NCOR2: variants seen among roughly 807,000 people sequenced by gnomAD.
NCOR2 encodes the protein CTG repeat protein 26.
In NCOR2, 81 loss-of-function variants were observed where a neutral mutation model predicts 262.9. That is an observed-to-expected ratio of 0.31 (90% CI 0.26 to 0.37). The LOEUF (loss-of-function observed/expected upper bound fraction) is 0.37, where lower values mean the gene tolerates loss of function less well. Ranked by LOEUF, NCOR2 falls within the 10% of genes least tolerant of loss-of-function variation. NCOR2 has a pLI of 1.00. For synonymous variants in NCOR2, 1,659 were observed against 1,559.3 expected (o/e 1.06, Z -1.51); for missense variants, 3,385 against 3,621.4 (o/e 0.93, Z 1.68).
rs112279878 is a variant in NCOR2, at chr12:124,373,389, C to A, written c.2219-779G>T. ...CATGAGGCCAGTGCGTGTGCAGGGGCCCCGGGCACAGTGGACAATCACGAG... is the reference window on the plus strand; with the variant it reads ...CATGAGGCCAGTGCGTGTGCAGGGGACCCGGGCACAGTGGACAATCACGAG... On this transcript the variant is annotated intron_variant, in intron 19 of 46. Transcript: ENST00000405201. 2.2e-3 allele frequency among the ~76,000 whole-genome samples: 82 copies of A among 36,482 alleles called. 17 individuals are homozygous for A. Among genetic ancestry groups the A allele is most frequent in the Non-Finnish European group, 4.3e-3 (39 of 9,158 alleles). 23.9% of individuals were successfully genotyped at this position (36,482 alleles called of 152,430 possible).
intron 1 of NCOR2, among the ~76,000 whole-genome samples, chr12:124,556,953 C>T (rs2051903677): frequency 6.6e-6 from 1 of 152,050 alleles, no homozygotes; most frequent in Non-Finnish European, 1.5e-5. Context: ...GGCCCCGTGG[C>T]GGAAGCTGCC....
intron 4 of NCOR2, among the ~76,000 whole-genome samples, chr12:124,471,962 GA>G (rs1254191257): frequency 6.6e-6 from 1 of 152,370 alleles, no homozygotes; most frequent in East Asian, 1.9e-4. Context: ...CACTGTGGCA[GA>G]AAAGCAGTCA....
At chr12:124,372,236 C>G (rs760866377) in exon 20 of NCOR2, 1 of 1,595,846 alleles carries the variant, frequency 6.3e-7, no homozygotes, top group Non-Finnish European at 8.5e-7. Flanking sequence ...TCCGTGCACT[C>G]GCTCTTGACG....
chr12:124,533,812 C>T (rs774546707), intron 1 of NCOR2, among the ~76,000 whole-genome samples: 5 of 152,208 alleles, frequency 3.3e-5, no homozygotes, highest in African/African-American at 4.8e-5. Flanking sequence ...TCAGTGCCAG[C>T]GGTACACCCA....
At chr12:124,421,094 C>T (rs1351308020) in intron 12 of NCOR2, among the ~76,000 whole-genome samples, 2 of 152,274 alleles carry the variant, frequency 1.3e-5, no homozygotes, top group Non-Finnish European at 2.9e-5. Context: ...GCAATGGCAG[C>T]CCGGCTCCGG....
exon 47 of NCOR2, chr12:124,325,572 A>G: frequency 2.3e-6 from 3 of 1,297,826 alleles, no homozygotes; most frequent in Non-Finnish European, 2.0e-6. Context: ...TTGTAGGGGA[A>G]TGGCGTGGAA....
chr12:124,465,750 A>G (rs1473440845), intron 5 of NCOR2, among the ~76,000 whole-genome samples: 1 of 152,222 alleles, frequency 6.6e-6, no homozygotes, highest in African/African-American at 2.4e-5. Flanking sequence ...CTGCCCTTCC[A>G]GGACTGACAG....
intron 22 of NCOR2, among the ~76,000 whole-genome samples, chr12:124,361,140 A>G (rs933249701): frequency 9.5e-5 from 14 of 147,224 alleles, no homozygotes; most frequent in Non-Finnish European, 1.8e-4. Context: ...AAAAAAAAAA[A>G]AAGAGAAGGG....
Position 124,503,632 on chromosome 12 carries a change from ATGGG to A in NCOR2, c.-117-8268_-117-8265del, listed in dbSNP as rs1396596491. 5.5e-5 allele frequency among the ~76,000 whole-genome samples: 8 copies of A among 145,492 alleles called. No individual in the cohort carries two copies. The highest frequency in any genetic ancestry group is 2.1e-4 in the African/African-American group (8 of 38,188). On this transcript the variant is annotated intron_variant, in intron 1 of 46. Coordinates refer to the NCOR2 transcript ENST00000404621. This position sits in a 1 kb window ranked among gnomAD's most constrained non-coding sequence, Gnocchi z 4.3. ...GACGGACGGATGGATGGATGGATGG[ATGGG>A]CGAATGGATGGATGGATGGATGGAT...
chr12:124,361,289 G>A (rs1422482375), intron 22 of NCOR2, among the ~76,000 whole-genome samples: 1 of 152,194 alleles, frequency 6.6e-6, no homozygotes, highest in Non-Finnish European at 1.5e-5. Context: ...CTGCCAGCAA[G>A]CGCCGGGGCT....
chr12:124,364,911 C>T (rs1299145162), intron 20 of NCOR2, among the ~76,000 whole-genome samples: 3 of 151,926 alleles, frequency 2.0e-5, no homozygotes, highest in Admixed American at 6.6e-5. Context: ...GGAGGCAGCC[C>T]GGCCTGAGTT....
chr12:124,417,180 G>GAGCAGGCTGGACACTCACTCCACGGAC (rs2042941742), intron 13 of NCOR2, among the ~76,000 whole-genome samples: 5 of 29,748 alleles, frequency 1.7e-4, no homozygotes, highest in Non-Finnish European at 5.1e-4. Context: ...ACTCCACGCA[G>GAGCAGGCTGGACACTCACTCCACGGAC]AGCAGGCCGG....
Position 124,432,856 on chromosome 12 carries a change from C to A in NCOR2, c.883-2069G>T, listed in dbSNP as rs557235941. ...TCTCCAAGGTGACTTGAGCAAGTGG[C>A]GGCGGGGGGCGGGGGGTGGGGGCGG... is the stretch of plus-strand genomic sequence containing the variant. On this transcript the variant is annotated intron_variant, in intron 8 of 46. Coordinates refer to ENST00000405201, the Ensembl canonical transcript of NCOR2. The surrounding 1 kb of genome is among the most constrained non-coding windows in gnomAD (Gnocchi z 5.1). 5.8e-5 allele frequency among the ~76,000 whole-genome samples: 2 copies of A among 34,320 alleles called. No individual in the cohort carries two copies. Among genetic ancestry groups the A allele is most frequent in the African/African-American group, 2.8e-4 (2 of 7,062 alleles). The allele number at this position is 34,320 out of a possible 152,430, so 22.5% of individuals were successfully genotyped here. A position where few individuals can be genotyped will look rare whatever the true frequency, so the allele number is the denominator to read the frequency against.
At chr12:124,426,832 C>T in intron 10 of NCOR2, 32 bp from the exon 13 acceptor site, 1 of 1,533,606 alleles carries the variant, frequency 6.5e-7, no homozygotes, top group Non-Finnish European at 8.8e-7. Flanking sequence ...GGTCAGAGGC[C>T]CAGGGACGAG....
exon 38 of NCOR2, chr12:124,337,073 G>A (rs1428338459): frequency 6.7e-7 from 1 of 1,485,568 alleles, no homozygotes; most frequent in Non-Finnish European, 8.9e-7. Context: ...CAGCAAGACG[G>A]GCTCCATGAG....
At chr12:124,341,256 TC>T (rs2036433246) in intron 34 of NCOR2, among the ~76,000 whole-genome samples, 1 of 151,930 alleles carries the variant, frequency 6.6e-6, no homozygotes, top group Non-Finnish European at 1.5e-5. Context: ...TTTTTTTTTT[TC>T]GAGACACAGT....
At chr12:124,372,707 G>A (rs1003198736) in intron 19 of NCOR2, 97 bp from the exon 22 acceptor site, 20 of 1,110,602 alleles carry the variant, frequency 1.8e-5, no homozygotes, top group African/African-American at 1.6e-4. Context: ...CCGCTCTGTC[G>A]CCTGATGCCA....
intron 1 of NCOR2, among the ~76,000 whole-genome samples, chr12:124,565,560 C>T (rs2052211352): frequency 6.6e-6 from 1 of 151,710 alleles, no homozygotes; most frequent in Admixed American, 6.6e-5. Flanking sequence ...CACTGTCCAC[C>T]CCCAGCCAAA....
At chr12:124,475,761 G>A (rs1463855481) in intron 3 of NCOR2, among the ~76,000 whole-genome samples, 1 of 152,212 alleles carries the variant, frequency 6.6e-6, no homozygotes, top group Non-Finnish European at 1.5e-5. Flanking sequence ...ACATGCCCAA[G>A]GCCACTCAGC....
Sources: allele counts gnomAD v4.1 joint callset (sites outside exome capture counted in the v4.1 genomes callset), GRCh38; gene constraint gnomAD v4.1.1; non-coding constraint Gnocchi (gnomAD v3.1); transcripts MANE v1.5; gene names NCBI Gene and HGNC (gene_info 2026-07-23, HGNC 2026-07-21).